Variants in ITGB8 observed in about 807,000 individuals in gnomAD.
ITGB8 encodes the protein integrin subunit beta 8, also known as integrin beta-8.
ITGB8 carries 30 observed loss-of-function variants against 89.5 expected under a neutral mutation model. The ratio of observed to expected loss-of-function variants is 0.34; its 90% CI spans 0.25 to 0.45. The LOEUF is 0.45. ITGB8 is among the 20% of genes least tolerant of loss of function. The probability of loss-of-function intolerance (pLI) is 1.00; values close to 1 mark genes in which losing one functional copy is unlikely to be tolerated. For missense variants in ITGB8, 836 were observed against 933.3 expected, an observed-to-expected ratio of 0.90 and a Z score of 1.36; for synonymous variants, 335 against 320.4, an observed-to-expected ratio of 1.05 and a Z score of -0.49.
At chr7:20,383,980 A>G (rs1786506574) in intron 6 of ITGB8, among the ~76,000 whole-genome samples, 1 of 152,154 alleles carries the variant, frequency 6.6e-6, no homozygotes, top group Non-Finnish European at 1.5e-5. Flanking sequence ...AAAAATTCTC[A>G]TTCCCTTCAT....
At chr7:20,389,574 T>C (rs559951523) in intron 6 of ITGB8, among the ~76,000 whole-genome samples, 19 of 152,326 alleles carry the variant, frequency 1.2e-4, no homozygotes, top group African/African-American at 4.6e-4. Flanking sequence ...AAACATGTAT[T>C]AAATTGTCCT....
intron 3 of ITGB8, among the ~76,000 whole-genome samples, chr7:20,374,828 G>A (rs1384141755): frequency 6.6e-6 from 1 of 152,146 alleles, no homozygotes; most frequent in East Asian, 1.9e-4. Flanking sequence ...TTTAGCCATT[G>A]GGCATTGGCC....
intron 1 of ITGB8, among the ~76,000 whole-genome samples, chr7:20,360,768 AT>A (rs1785469421): frequency 6.6e-6 from 1 of 152,002 alleles, no homozygotes; most frequent in Non-Finnish European, 1.5e-5. Context: ...ACTTAGATTG[AT>A]TCCATATGTT....
At chr7:20,393,247 A>C (rs963787700) in intron 7 of ITGB8, among the ~76,000 whole-genome samples, 61 of 152,154 alleles carry the variant, frequency 4.0e-4, no homozygotes, top group African/African-American at 1.2e-3. Context: ...GTTTCTTCCT[A>C]TTCCTTTAAA....
chr7:20,366,979 A>G lies in ITGB8; in HGVS notation c.214-33A>G, dbSNP rs780219393. The G allele has an allele frequency of 2.0e-6, 3 of 1,534,280 alleles. No homozygotes were observed. In the Admixed American group the frequency reaches 5.6e-5, roughly 28 times the overall value. On this transcript the variant is annotated intron_variant, in intron 2 of 13. Coordinates refer to ENST00000222573, the MANE Select transcript of ITGB8 (RefSeq NM_002214.3). ...TCTTTGGATGTAATTGATATACACT[A>G]AAAACATCAGTGATTTTCTTTCTTT...
intron 6 of ITGB8, 127 bp downstream of exon 6, chr7:20,382,012 C>G (rs1157357821): frequency 1.3e-6 from 1 of 747,094 alleles, no homozygotes; most frequent in Non-Finnish European, 2.1e-6. Context: ...AAGGATAAGC[C>G]ATGAGAGAGA....
chr7:20,381,662 G>A, intron 5 of ITGB8, 65 bp from the exon 6 acceptor site: 2 of 1,245,260 alleles, frequency 1.6e-6, no homozygotes, highest in Non-Finnish European at 2.3e-6. Flanking sequence ...ATGTTTACTT[G>A]AGGTAAAAAC....
chr7:20,380,470 T>C, intron 4 of ITGB8, 196 bp from the exon 5 acceptor site: 2 of 542,000 alleles, frequency 3.7e-6, no homozygotes, highest in Non-Finnish European at 6.5e-6. Context: ...TATAGTCTTA[T>C]TTCCTATTTG....
intron 9 of ITGB8, among the ~76,000 whole-genome samples, chr7:20,399,743 G>T (rs1056538896): frequency 7.9e-5 from 12 of 152,096 alleles, no homozygotes; most frequent in Admixed American, 6.5e-4. Flanking sequence ...AGTCATTTAC[G>T]TCATGAGGCA....
In ITGB8 at chr7:20,413,937, C is replaced by A. The variant is rs1272902010; in HGVS notation, c.*3940C>A. 2.0e-5 allele frequency: 3 copies of A among 151,966 alleles called. No individual in the cohort carries two copies. The highest frequency in any genetic ancestry group is 4.4e-5 in the Non-Finnish European group (3 of 67,934). 9.4% of individuals were successfully genotyped at this position (151,966 alleles called of 1,614,324 possible). A position where few individuals can be genotyped will look rare whatever the true frequency, so the allele number is the denominator to read the frequency against. On this transcript the variant is annotated 3_prime_UTR_variant, in exon 14 of 14. Coordinates refer to ENST00000222573, the MANE Select transcript of ITGB8 (RefSeq NM_002214.3). ...TGCAATGCAGACCACTGAGATATAG[C>A]TAACATTCTTTCAAATAATTTTCCT...
chr7:20,383,365 C>T (rs556364727), intron 6 of ITGB8, among the ~76,000 whole-genome samples: 1 of 152,256 alleles, frequency 6.6e-6, no homozygotes, highest in South Asian at 2.1e-4. Context: ...TCTACTCAGC[C>T]TTATTTCACT....
intron 3 of ITGB8, among the ~76,000 whole-genome samples, chr7:20,374,107 C>T (rs1583504780): frequency 6.6e-6 from 1 of 152,192 alleles, no homozygotes; most frequent in Non-Finnish European, 1.5e-5. Flanking sequence ...ATAAAGCTTT[C>T]CTGGAGATAA....
chr7:20,387,767 C>CCTGGT (rs982566662), intron 6 of ITGB8, among the ~76,000 whole-genome samples: 1 of 152,060 alleles, frequency 6.6e-6, no homozygotes, highest in Non-Finnish European at 1.5e-5. Context: ...CTTGAGAAAC[C>CCTGGT]CTGGTCTATG....
At chr7:20,384,044 A>G (rs140632927) in intron 6 of ITGB8, among the ~76,000 whole-genome samples, 11 of 152,242 alleles carry the variant, frequency 7.2e-5, no homozygotes, top group Admixed American at 2.6e-4. Context: ...ATTTTGATTG[A>G]TCCCTTGGCC....
chr7:20,380,882 G>T lies in ITGB8; in HGVS notation c.801+51G>T, dbSNP rs1156351139. On this transcript the variant is annotated intron_variant, in intron 5 of 13. Transcript: ENST00000222573. Reference sequence around the variant, plus strand: ...TTTGCTAAGATGCCAAACTTTCAAAGAATTTAGACGTTTTATTTTCTCTTT... The same window carrying T: ...TTTGCTAAGATGCCAAACTTTCAAATAATTTAGACGTTTTATTTTCTCTTT... 2.1e-6 allele frequency: 3 copies of T among 1,444,010 alleles called. No individual in the cohort carries two copies. In the African/African-American group the frequency reaches 4.3e-5, roughly 21 times the overall value. The allele number at this position is 1,444,010 out of a possible 1,614,324, so 89.4% of individuals were successfully genotyped here.
intron 1 of ITGB8, among the ~76,000 whole-genome samples, chr7:20,361,821 T>A (rs76164988): frequency 6.6e-6 from 1 of 152,194 alleles, no homozygotes; most frequent in Non-Finnish European, 1.5e-5. Flanking sequence ...ATTTTCATAC[T>A]CTGGGTAGCC....
In ITGB8 at chr7:20,406,146, A is replaced by G; in HGVS notation, c.1998A>G (p.Gln666=). The G allele has an allele frequency of 6.2e-7, 1 of 1,610,728 alleles. No homozygotes were observed. The highest frequency in any genetic ancestry group is 8.5e-7 in the Non-Finnish European group (1 of 1,176,928). ...AAACCTCATGTGCTCTCATGGAACA[A>G]CAGCATTATGTCGACCAAACTTCAG... The part of the protein sequence containing the change: ...QCKTSCALME[Q]QHYVDQTSEC... Residue 666 remains glutamine, a synonymous_variant, in exon 12 of 14, where the codon CAA becomes CAG. Coordinates refer to ENST00000222573, the MANE Select transcript of ITGB8 (RefSeq NM_002214.3).
At chr7:20,341,948 T>C (rs990341593) in intron 1 of ITGB8, among the ~76,000 whole-genome samples, 6 of 151,994 alleles carry the variant, frequency 3.9e-5, no homozygotes, top group African/African-American at 1.4e-4. Context: ...GGTAGAAAAG[T>C]TGGGTCAGCC....
At chr7:20,346,772 AG>A (rs1463446664) in intron 1 of ITGB8, 10 of 985,246 alleles carry the variant, frequency 1.0e-5, no homozygotes, top group Non-Finnish European at 1.2e-5. Flanking sequence ...TTATACCTGA[AG>A]GGGGCTCCAC....
Sources: gnomAD v4.1 joint callset for allele counts (sites outside exome capture counted in the v4.1 genomes callset) on GRCh38, gnomAD v4.1.1 for gene constraint, MANE v1.5 for transcripts, NCBI Gene and HGNC (gene_info 2026-07-23, HGNC 2026-07-21) for gene names.